The following SSBP2 variants were observed in gnomAD, a reference collection of about 807,000 sequenced individuals.
SSBP2 encodes single stranded DNA binding protein 2.
SSBP2 carries 17 observed loss-of-function variants against 61.8 expected under a neutral mutation model. That is an observed-to-expected ratio of 0.28 (90% CI 0.19 to 0.41). SSBP2 has a LOEUF of 0.41. Among genes scored for constraint, SSBP2 ranks in the 10% least tolerant of loss-of-function variants. SSBP2 has a pLI of 1.00. For synonymous variants in SSBP2, 139 were observed against 141.3 expected, an observed-to-expected ratio of 0.98 and a Z score of 0.12; for missense variants, 310 against 458.7, an observed-to-expected ratio of 0.68 and a Z score of 2.96.
intron 5 of SSBP2, among the ~76,000 whole-genome samples, chr5:81,504,197 ACTG>A (rs1296318977): frequency 6.6e-6 from 1 of 152,104 alleles, no homozygotes; most frequent in Non-Finnish European, 1.5e-5. Flanking sequence ...ACTTCTCACC[ACTG>A]CTACCTCCTT....
intron 4 of SSBP2, among the ~76,000 whole-genome samples, chr5:81,553,472 T>C (rs1772361994): frequency 6.6e-6 from 1 of 152,148 alleles, no homozygotes; most frequent in African/African-American, 2.4e-5. Flanking sequence ...TCTTAACTCA[T>C]AGCATCAGAA....
At chr5:81,631,216 C>G (rs546005655) in intron 3 of SSBP2, among the ~76,000 whole-genome samples, 1 of 152,088 alleles carries the variant, frequency 6.6e-6, no homozygotes, top group Non-Finnish European at 1.5e-5. Context: ...ACCAAAAGAC[C>G]GCACCTGTTC....
At chr5:81,733,422 T>C (rs1264925606) in intron 1 of SSBP2, among the ~76,000 whole-genome samples, 1 of 151,156 alleles carries the variant, frequency 6.6e-6, no homozygotes, top group African/African-American at 2.4e-5. Flanking sequence ...CATCAATACA[T>C]CAACAGCTAG....
intron 5 of SSBP2, among the ~76,000 whole-genome samples, chr5:81,491,075 C>T (rs1287431424): frequency 6.6e-6 from 1 of 152,132 alleles, no homozygotes; most frequent in Non-Finnish European, 1.5e-5. Context: ...TTTTCTCTTT[C>T]CTTTATAAAT....
chr5:81,493,877 T>C (rs905537083), intron 5 of SSBP2, among the ~76,000 whole-genome samples: 1 of 152,140 alleles, frequency 6.6e-6, no homozygotes, highest in African/African-American at 2.4e-5. Context: ...GAATTACAGG[T>C]ATGAACCATC....
rs201909212 is a variant in SSBP2 at position 81,615,473 on chromosome 5, G to A, written c.282C>T (p.Tyr94=). ...TTTGTAAAATTATATGTTAACTTAC[G>A]TAATCATGGAAGGCTTTTGCTTCAC... Residue 94 remains tyrosine (Y), a splice_region_variant and synonymous_variant, in exon 4 of 17, where the codon TAC becomes TAT. Coordinates refer to ENST00000320672, the MANE Select transcript of SSBP2 (RefSeq NM_012446.5). 45 of 1,610,570 alleles carry A rather than the reference G, an allele frequency of 2.8e-5. No homozygotes were observed. The highest frequency in any genetic ancestry group is 6.7e-5 in the East Asian group (3 of 44,782).
chr5:81,653,864 T>C (rs546815098), intron 1 of SSBP2, among the ~76,000 whole-genome samples: 2 of 152,208 alleles, frequency 1.3e-5, no homozygotes, highest in South Asian at 2.1e-4. Flanking sequence ...ATAGAACCAA[T>C]CTCCAATATT....
intron 5 of SSBP2, among the ~76,000 whole-genome samples, chr5:81,508,599 C>G (rs7733938): frequency 0.42 from 63,604 of 151,934 alleles, 15,499 homozygotes; most frequent in African/African-American, 0.68. Flanking sequence ...TTAAGTGTAC[C>G]AAGTTATATC....
At chr5:81,659,964 C>A (rs1289879473) in intron 1 of SSBP2, among the ~76,000 whole-genome samples, 2 of 152,146 alleles carry the variant, frequency 1.3e-5, no homozygotes, top group East Asian at 3.9e-4. Flanking sequence ...ATTGGCTAGC[C>A]ATATGCAGAA....
chr5:81,413,576 A>G lies in SSBP2; in HGVS notation c.*6928T>C, dbSNP rs892675390. On this transcript the variant is annotated 3_prime_UTR_variant, in exon 17 of 17. Coordinates refer to ENST00000320672, the MANE Select transcript of SSBP2 (RefSeq NM_012446.5). ...ACAATTCAATACGTTAATGGCTATC[A>G]TAAGTATTCTATTTATAAAGACTTT... is the stretch of plus-strand genomic sequence containing the variant. The G allele has an allele frequency of 3.9e-5, 6 of 152,362 alleles. No homozygotes were observed. Among genetic ancestry groups the G allele is most frequent in the East Asian group, 1.9e-4 (1 of 5,192 alleles). The allele number at this position is 152,362 out of a possible 1,614,324, so 9.4% of individuals were successfully genotyped here.
chr5:81,581,478 A>G (rs1171310910), intron 4 of SSBP2, among the ~76,000 whole-genome samples: 1 of 152,202 alleles, frequency 6.6e-6, no homozygotes, highest in African/African-American at 2.4e-5. Context: ...TCCAGTAAGA[A>G]CAAGAATAAC....
At chr5:81,570,449 C>T (rs1445752979) in intron 4 of SSBP2, among the ~76,000 whole-genome samples, 1 of 152,162 alleles carries the variant, frequency 6.6e-6, no homozygotes, top group Admixed American at 6.5e-5. Flanking sequence ...GAGGAAAGAA[C>T]TATGTGTAAT....
chr5:81,514,360 A>C (rs1768846407), intron 4 of SSBP2, among the ~76,000 whole-genome samples: 2 of 152,132 alleles, frequency 1.3e-5, no homozygotes, highest in Non-Finnish European at 2.9e-5. Flanking sequence ...AAATTGAAAA[A>C]TTCAAAGTCT....
At chr5:81,451,658 C>T (rs1763782292) in intron 10 of SSBP2, among the ~76,000 whole-genome samples, 1 of 152,222 alleles carries the variant, frequency 6.6e-6, no homozygotes, top group Admixed American at 6.5e-5. Context: ...AACCCCTGAC[C>T]TCAGGTGATC....
intron 1 of SSBP2, among the ~76,000 whole-genome samples, chr5:81,732,840 G>A (rs759430835): frequency 3.3e-5 from 5 of 152,162 alleles, no homozygotes; most frequent in East Asian, 1.9e-4. Flanking sequence ...ACCACCCCCC[G>A]CCTTCTAGCC....
intron 1 of SSBP2, among the ~76,000 whole-genome samples, chr5:81,730,742 A>T (rs1483528625): frequency 6.6e-6 from 1 of 152,212 alleles, no homozygotes; most frequent in Admixed American, 6.5e-5. Flanking sequence ...GAAAGGAAAG[A>T]AAAGACTTTT....
Position 81,546,221 on chromosome 5 carries a change from C to G in SSBP2, c.283-32504G>C, listed in dbSNP as rs147646009. ...TTACAAATAAGGAAGCTATGCCACA[C>G]ATAACTTTACACAACTTGTCCAAGG... is the stretch of plus-strand genomic sequence containing the variant. On this transcript the variant is annotated intron_variant, in intron 4 of 16. Transcript: ENST00000320672. 2.6e-3 allele frequency among the ~76,000 whole-genome samples: 389 copies of G among 152,286 alleles called. 1 individual carries two copies. Among genetic ancestry groups the G allele is most frequent in the African/African-American group, 8.3e-3 (345 of 41,568 alleles).
chr5:81,522,019 T>A (rs1769528419), intron 4 of SSBP2, among the ~76,000 whole-genome samples: 1 of 151,996 alleles, frequency 6.6e-6, no homozygotes, highest in South Asian at 2.1e-4. Context: ...TAAATTTGAC[T>A]AAGTGACCCT....
intron 6 of SSBP2, among the ~76,000 whole-genome samples, chr5:81,487,134 T>A (rs1233119121): frequency 6.6e-6 from 1 of 152,196 alleles, no homozygotes; most frequent in Non-Finnish European, 1.5e-5. Flanking sequence ...TGTAATAACA[T>A]GGTTTACCTT....
Sources: gnomAD v4.1 joint callset for allele counts (sites outside exome capture counted in the v4.1 genomes callset) on GRCh38, gnomAD v4.1.1 for gene constraint, MANE v1.5 for transcripts, NCBI Gene and HGNC (gene_info 2026-07-23, HGNC 2026-07-21) for gene names.